Variants in JADE1 observed in about 807,000 individuals in gnomAD.
The protein encoded by JADE1 is protein Jade-1.
A neutral mutation model predicts 81.8 loss-of-function variants in JADE1; 14 were observed. That is an observed-to-expected ratio of 0.17 (90% CI 0.11 to 0.27). JADE1 has a LOEUF of 0.27. JADE1 is among the 10% of genes least tolerant of loss of function. The probability of loss-of-function intolerance (pLI) is 1.00; values close to 1 mark genes in which losing one functional copy is unlikely to be tolerated. For synonymous variants in JADE1, 353 were observed against 391.9 expected, an observed-to-expected ratio of 0.90 and a Z score of 1.17; for missense variants, 690 against 1,047.9, an observed-to-expected ratio of 0.66 and a Z score of 4.71.
At chr4:128,870,699 C>A (rs141306343) in intron 10 of JADE1, among the ~76,000 whole-genome samples, 1 of 152,274 alleles carries the variant, frequency 6.6e-6, no homozygotes, top group South Asian at 2.1e-4. Flanking sequence ...TCAAAAAATA[C>A]GAAAAACATC....
At position 128,862,013 on chromosome 4, in the gene JADE1, G is replaced by A. The variant is rs1226016846; in HGVS notation, c.1291G>A (p.Val431Ile). The A allele has an allele frequency of 3.1e-6, 5 of 1,614,186 alleles. No individual in the cohort carries two copies. Among genetic ancestry groups the A allele is most frequent in the Admixed American group, 3.3e-5 (2 of 60,024 alleles). The change falls in exon 9 of 11, where the codon GTC becomes ATC. Residue 431 changes from valine to isoleucine, a missense_variant. Val to Ile is a conservative substitution (Grantham distance 29). Transcript: ENST00000226319. ...GTTGGAGGATGAGTTCTACACCTTC[G>A]TCAACCTGCTGGATGTTGCCAGGGC... is the stretch of plus-strand genomic sequence containing the variant. ...QQLEDEFYTF[V>I]NLLDVARALR...
At chr4:128,855,501 T>G in intron 6 of JADE1, 129 bp from the exon 7 acceptor site, 1 of 967,458 alleles carries the variant, frequency 1.0e-6, no homozygotes, top group Non-Finnish European at 1.5e-6. Context: ...CAGGAAGCTG[T>G]GGGAGCGTCT....
At chr4:128,852,377 T>C (rs1364243622) in intron 6 of JADE1, 109 bp downstream of exon 6, 38 of 830,402 alleles carry the variant, frequency 4.6e-5, no homozygotes, top group Non-Finnish European at 7.0e-5. Context: ...GGTCTGTGTT[T>C]CTACGATTTA....
At chr4:128,836,334 C>T (rs1053269211) in intron 2 of JADE1, among the ~76,000 whole-genome samples, 2 of 151,930 alleles carry the variant, frequency 1.3e-5, no homozygotes, top group South Asian at 2.1e-4. Flanking sequence ...GTATTATATA[C>T]TGTATTTTTA....
At chr4:128,859,059 G>T (rs1409306196) in intron 8 of JADE1, among the ~76,000 whole-genome samples, 1 of 151,936 alleles carries the variant, frequency 6.6e-6, no homozygotes, top group Non-Finnish European at 1.5e-5. Context: ...AAATAGTGGA[G>T]ATATTTTTGG....
At chr4:128,812,217 A>G (rs537178551) in intron 1 of JADE1, among the ~76,000 whole-genome samples, 1 of 152,132 alleles carries the variant, frequency 6.6e-6, no homozygotes, top group African/African-American at 2.4e-5. Context: ...AGAAGGTGTC[A>G]TCACTGCACC....
chr4:128,861,868 T>A lies in JADE1; in HGVS notation c.1146T>A (p.Ala382=). Residue 382 remains alanine, a synonymous_variant, in exon 9 of 11, where the codon GCT becomes GCA. Coordinates refer to ENST00000226319, the MANE Select transcript of JADE1 (RefSeq NM_199320.4). ...RKPEESLGKG[A]AQENGAPECS... is the part of the protein sequence containing the mutation. ...CCGAGGAGAGTCTTGGCAAGGGGGCTGCACAGGAGAATGGGGCCCCTGAGT... is the reference window on the plus strand; with the variant it reads ...CCGAGGAGAGTCTTGGCAAGGGGGCAGCACAGGAGAATGGGGCCCCTGAGT... 1 of 1,614,156 alleles carries A rather than the reference T, an allele frequency of 6.2e-7. No homozygotes were observed. Among genetic ancestry groups the A allele is most frequent in the Non-Finnish European group, 8.5e-7 (1 of 1,179,998 alleles).
At chr4:128,862,427 G>T in intron 9 of JADE1, 2 of 1,392,932 alleles carry the variant, frequency 1.4e-6, no homozygotes, top group Non-Finnish European at 1.9e-6. Flanking sequence ...TGAGTGGGGA[G>T]CTTCTTTGTG....
At chr4:128,845,905 CAG>C (rs1321492385) in intron 3 of JADE1, among the ~76,000 whole-genome samples, 3 of 150,240 alleles carry the variant, frequency 2.0e-5, no homozygotes, top group Non-Finnish European at 4.4e-5. Flanking sequence ...GCCTGGGTGA[CAG>C]AGCAAGATTC....
chr4:128,847,641 C>G (rs1729979409), intron 4 of JADE1, among the ~76,000 whole-genome samples: 1 of 152,188 alleles, frequency 6.6e-6, no homozygotes, highest in Non-Finnish European at 1.5e-5. Context: ...CTGAATGCTT[C>G]ACTTTCAGTG....
At chr4:128,865,660 T>C (rs1191096467) in intron 9 of JADE1, among the ~76,000 whole-genome samples, 1 of 152,180 alleles carries the variant, frequency 6.6e-6, no homozygotes, top group Non-Finnish European at 1.5e-5. Context: ...TGGTCAGGGC[T>C]GATTTGTTCC....
rs775902115 is a variant in JADE1, at chr4:128,842,955, C to T, written c.55C>T (p.Leu19=). The T allele has an allele frequency of 1.4e-5, 22 of 1,613,304 alleles. No individual in the cohort carries two copies. The highest frequency in any genetic ancestry group is 6.7e-5 in the African/African-American group (5 of 74,900). Residue 19 remains leucine (L), a splice_region_variant and synonymous_variant, in exon 3 of 11, where the codon CTG becomes TTG. Transcript: ENST00000226319. ...SSEDSDDNGS[L]STTWSQNSRS... is the part of the protein sequence containing the mutation. Reference sequence around the variant, plus strand: ...TATTTGGATATTTGTTTCTTTAGGCCTGTCAACTACTTGGTCCCAGAATTC... The same window carrying T: ...TATTTGGATATTTGTTTCTTTAGGCTTGTCAACTACTTGGTCCCAGAATTC...
chr4:128,848,873 C>A, intron 4 of JADE1, 107 bp from the exon 5 acceptor site: 1 of 1,052,548 alleles, frequency 9.5e-7, no homozygotes. Flanking sequence ...CTGGTGATGA[C>A]CTGGGGCTCT....
intron 1 of JADE1, among the ~76,000 whole-genome samples, chr4:128,813,401 C>A (rs1244854310): frequency 1.5e-5 from 2 of 136,824 alleles, no homozygotes; most frequent in South Asian, 2.4e-4. Context: ...CATTTACTTA[C>A]GGTCACTTTT....
intron 4 of JADE1, among the ~76,000 whole-genome samples, chr4:128,847,079 C>T (rs183966828): frequency 1.3e-5 from 2 of 152,252 alleles, no homozygotes; most frequent in African/African-American, 4.8e-5. Context: ...TCTTGGGGTA[C>T]GTTCTCTGGA....
intron 1 of JADE1, among the ~76,000 whole-genome samples, chr4:128,813,614 G>C (rs967119537): frequency 3.3e-5 from 5 of 151,690 alleles, no homozygotes; most frequent in Admixed American, 3.3e-4. Flanking sequence ...GTAGAGACGG[G>C]GTTTCACCAT....
chr4:128,849,765 G>GT (rs1298344291), intron 5 of JADE1, among the ~76,000 whole-genome samples: 2 of 152,252 alleles, frequency 1.3e-5, no homozygotes, highest in Non-Finnish European at 2.9e-5. Context: ...TCATTTTAGC[G>GT]TATGTAGACG....
chr4:128,811,866 C>T (rs1726433692), intron 1 of JADE1: 1 of 151,944 alleles, frequency 6.6e-6, no homozygotes, highest in Admixed American at 6.5e-5. Flanking sequence ...CCAGAACTGT[C>T]TGGGGGCGGG....
At chr4:128,818,133 T>C (rs890776451) in intron 1 of JADE1, among the ~76,000 whole-genome samples, 9 of 152,074 alleles carry the variant, frequency 5.9e-5, no homozygotes, top group African/African-American at 2.2e-4. Context: ...CTTCTTTTTT[T>C]TTTTTGAGAT....
Sources: allele counts gnomAD v4.1 joint callset (sites outside exome capture counted in the v4.1 genomes callset), GRCh38; gene constraint gnomAD v4.1.1; transcripts MANE v1.5; gene names NCBI Gene and HGNC (gene_info 2026-07-23, HGNC 2026-07-21).